Variants in PSD3 observed in about 807,000 individuals in gnomAD.
PSD3 encodes the protein PH and SEC7 domain-containing protein 3.
PSD3 carries 49 observed loss-of-function variants against 105.5 expected under a neutral mutation model. That is an observed-to-expected ratio of 0.46 (90% CI 0.37 to 0.59). PSD3 has a LOEUF of 0.59. PSD3 is among the 20% of genes least tolerant of loss of function. The probability of loss-of-function intolerance (pLI) is 0.00; values close to 1 mark genes in which losing one functional copy is unlikely to be tolerated. For missense variants in PSD3, 1,561 were observed against 1,263.8 expected, an observed-to-expected ratio of 1.24 and a Z score of -3.57; for synonymous variants, 557 against 457.8, an observed-to-expected ratio of 1.22 and a Z score of -2.77.
At chr8:19,023,619 T>A (rs565589252) in intron 1 of PSD3, among the ~76,000 whole-genome samples, 1 of 151,956 alleles carries the variant, frequency 6.6e-6, no homozygotes, top group East Asian at 1.9e-4. Context: ...AATTTTTTTG[T>A]AGATAAAGGT....
chr8:18,742,757 G>A (rs765499878), intron 9 of PSD3, among the ~76,000 whole-genome samples: 2 of 152,154 alleles, frequency 1.3e-5, no homozygotes, highest in African/African-American at 4.8e-5. Context: ...TTTATTACTG[G>A]CAAAATGCTA....
chr8:18,715,169 G>C (rs999527708), intron 9 of PSD3, among the ~76,000 whole-genome samples: 2 of 152,142 alleles, frequency 1.3e-5, no homozygotes, highest in African/African-American at 4.8e-5. Context: ...AATAGCTAAT[G>C]CAGGCTGGGC....
chr8:18,792,148 A>C (rs1272656795), intron 8 of PSD3, among the ~76,000 whole-genome samples: 1 of 152,182 alleles, frequency 6.6e-6, no homozygotes. Flanking sequence ...ATTGTGGAAG[A>C]CAGTATGGTA....
At chr8:19,013,856 G>A (rs1388909386), upstream of PSD3, among the ~76,000 whole-genome samples, 1 of 149,484 alleles carries the variant, frequency 6.7e-6, no homozygotes, top group Non-Finnish European at 1.5e-5. Context: ...AGGGCGGAGA[G>A]GCGGGGCCGA....
intron 1 of PSD3, among the ~76,000 whole-genome samples, chr8:18,958,739 T>A (rs1823729535): frequency 6.6e-6 from 1 of 152,200 alleles, no homozygotes; most frequent in Admixed American, 6.5e-5. Flanking sequence ...TTATATGCAA[T>A]AAATGTGAAT....
At chr8:19,049,077 T>C (rs1030363420) in intron 1 of PSD3, among the ~76,000 whole-genome samples, 6 of 152,202 alleles carry the variant, frequency 3.9e-5, no homozygotes, top group Non-Finnish European at 5.9e-5. Context: ...CTTAATTACC[T>C]CTTTAAATCC....
At chr8:18,979,147 T>C (rs1243228730) in intron 1 of PSD3, among the ~76,000 whole-genome samples, 3 of 151,824 alleles carry the variant, frequency 2.0e-5, no homozygotes, top group African/African-American at 7.2e-5. Context: ...ATACAGTCAC[T>C]AAACGGGAAA....
rs766971018 is a variant in PSD3, at chr8:18,872,724, C to A, written c.140G>T (p.Gly47Val). 6.4e-7 allele frequency: 1 copy of A among 1,556,932 alleles called. No homozygotes were observed. Among genetic ancestry groups the A allele is most frequent in the Non-Finnish European group, 8.7e-7 (1 of 1,154,698 alleles). The change falls in exon 3 of 16, where the codon GGA (glycine) becomes GTA (valine). Residue 47 changes from glycine to valine, a missense_variant. Transcript: ENST00000327040. ...EGKAPDTSDH[G>V]GSTLLPPNVT... ...ATTTGGTGGGAGTAAAGTGCTTCCT[C>A]CATGATCACCTGTGAAGAGAACACA...
rs998367091 is a variant in PSD3, at chr8:18,798,401, C to T, written c.2082+894G>A. On this transcript the variant is annotated intron_variant, in intron 8 of 15. Coordinates refer to ENST00000327040, the MANE Select transcript of PSD3 (RefSeq NM_015310.4). The stretch of plus-strand genomic sequence containing the variant: ...CTTTCTGGTGGTGGAACCCTTTCTC[C>T]CTGAACCCCTTCCTCTTATAACAGC... Among the ~76,000 whole-genome samples, 4 of 152,040 alleles carry T rather than the reference C, an allele frequency of 2.6e-5. No homozygotes were observed. In the East Asian group the frequency reaches 5.8e-4, roughly 22 times the overall value.
intron 1 of PSD3, among the ~76,000 whole-genome samples, chr8:19,050,307 T>TCC (rs10667552): frequency 0.42 from 63,235 of 151,962 alleles, 15,409 homozygotes; most frequent in Non-Finnish European, 0.55. Flanking sequence ...CATGCCCATA[T>TCC]CCCCGCCTGT....
At chr8:18,670,174 G>C (rs551191123) in intron 9 of PSD3, among the ~76,000 whole-genome samples, 1 of 152,144 alleles carries the variant, frequency 6.6e-6, no homozygotes. Context: ...TGAGTGACCG[G>C]GAGCAGCCAC....
chr8:18,995,766 G>A (rs1826043939), intron 1 of PSD3, among the ~76,000 whole-genome samples: 1 of 151,966 alleles, frequency 6.6e-6, no homozygotes, highest in South Asian at 2.1e-4. Context: ...CAGGGGAACT[G>A]CCTTTTATAA....
chr8:18,715,395 A>C (rs1802519900), intron 9 of PSD3, among the ~76,000 whole-genome samples: 1 of 152,214 alleles, frequency 6.6e-6, no homozygotes, highest in African/African-American at 2.4e-5. Flanking sequence ...CATATTATTA[A>C]TGTATCCATG....
chr8:18,816,419 G>A (rs1309285777), intron 4 of PSD3, among the ~76,000 whole-genome samples: 1 of 152,166 alleles, frequency 6.6e-6, no homozygotes, highest in Non-Finnish European at 1.5e-5. Flanking sequence ...TGTGCATTCA[G>A]CCTCTTAACT....
chr8:18,735,238 C>G, intron 9 of PSD3, among the ~76,000 whole-genome samples: 1 of 152,082 alleles, frequency 6.6e-6, no homozygotes, highest in East Asian at 1.9e-4. Flanking sequence ...TACTTACCGC[C>G]AGGGCAGAAG....
intron 9 of PSD3, among the ~76,000 whole-genome samples, chr8:18,669,078 G>C (rs961885701): frequency 1.3e-5 from 2 of 152,166 alleles, no homozygotes; most frequent in African/African-American, 4.8e-5. Flanking sequence ...TTTATAACTT[G>C]TCTACTCCAT....
chr8:19,062,716 A>G (rs1229569856), intron 1 of PSD3, among the ~76,000 whole-genome samples: 1 of 152,228 alleles, frequency 6.6e-6, no homozygotes, highest in Non-Finnish European at 1.5e-5. Context: ...TTGTGTTATC[A>G]CTTAAAGTCC....
intron 1 of PSD3, among the ~76,000 whole-genome samples, chr8:19,027,731 A>G (rs1563517576): frequency 6.6e-6 from 1 of 152,150 alleles, no homozygotes; most frequent in Non-Finnish European, 1.5e-5. Flanking sequence ...TCTTTCATAT[A>G]GCATAATGCT....
chr8:18,566,949 C>G (rs2130272836), intron 14 of PSD3, among the ~76,000 whole-genome samples: 1 of 152,232 alleles, frequency 6.6e-6, no homozygotes, highest in African/African-American at 2.4e-5. Flanking sequence ...AACACGCAAA[C>G]AGATGAACAC....
Sources: gnomAD v4.1 joint callset for allele counts (sites outside exome capture counted in the v4.1 genomes callset) on GRCh38, gnomAD v4.1.1 for gene constraint, MANE v1.5 for transcripts, NCBI Gene and HGNC (gene_info 2026-07-23, HGNC 2026-07-21) for gene names.